Variants in MMP16 observed in about 807,000 individuals in gnomAD.
MMP16 encodes the protein matrix metalloproteinase-16.
In MMP16, 12 loss-of-function variants were observed where a neutral mutation model predicts 67.8. The ratio of observed to expected loss-of-function variants is 0.18; its 90% CI spans 0.11 to 0.29. MMP16 has a LOEUF of 0.29. Ranked by LOEUF, MMP16 falls within the 10% of genes least tolerant of loss-of-function variation. The probability of loss-of-function intolerance (pLI) is 1.00; values close to 1 mark genes in which losing one functional copy is unlikely to be tolerated. For missense variants in MMP16, 475 were observed against 765.7 expected, an observed-to-expected ratio of 0.62 and a Z score of 4.48; for synonymous variants, 249 against 255.9, an observed-to-expected ratio of 0.97 and a Z score of 0.26.
intron 1 of MMP16, among the ~76,000 whole-genome samples, chr8:88,263,937 C>T (rs1298971354): frequency 6.7e-6 from 1 of 150,260 alleles, no homozygotes; most frequent in Non-Finnish European, 1.5e-5. Flanking sequence ...TTGGCCGCAA[C>T]CTCCCTACAA....
intron 1 of MMP16, among the ~76,000 whole-genome samples, chr8:88,281,189 T>A (rs1308454960): frequency 1.3e-5 from 2 of 152,214 alleles, no homozygotes; most frequent in Non-Finnish European, 1.5e-5. Flanking sequence ...GTAAGAATAT[T>A]TGAAGGCAAA....
chr8:88,066,392 G>GA lies in MMP16; in HGVS notation c.1222+8212dup, dbSNP rs908011159. ...AGTGTGGAGTACATTCAGTTGCTGG[G>GA]AAAAAAAAACATATTACTTCCTCGA... is the stretch of plus-strand genomic sequence containing the variant. On this transcript the variant is annotated intron_variant, in intron 7 of 9. Transcript: ENST00000286614. 4.6e-4 allele frequency among the ~76,000 whole-genome samples: 69 copies of GA among 149,992 alleles called. 1 individual carries two copies. Among genetic ancestry groups the GA allele is most frequent in the Admixed American group, 3.7e-3 (55 of 14,988 alleles).
intron 4 of MMP16, among the ~76,000 whole-genome samples, chr8:88,146,300 C>T (rs1041982988): frequency 6.6e-6 from 1 of 151,886 alleles, no homozygotes; most frequent in Non-Finnish European, 1.5e-5. Flanking sequence ...ATAATAATAA[C>T]ATGCATCTGA....
Position 88,041,020 on chromosome 8 carries a change from GAAAAAAAGA to G in MMP16, c.*432_*440del, listed in dbSNP as rs952769082. The G allele has an allele frequency of 2.1e-5, 2 of 93,466 alleles. No individual in the cohort carries two copies. Among genetic ancestry groups the G allele is most frequent in the Non-Finnish European group, 5.8e-5 (2 of 34,326 alleles). The allele number at this position is 93,466 out of a possible 1,614,324, so 5.8% of individuals were successfully genotyped here. ...TTCCCTTTGTTTTAAAGCAAAAAAA[GAAAAAAAGA>G]AAAAAAGAAAAAAAGAAAAACCGTG... On this transcript the variant is annotated 3_prime_UTR_variant, in exon 10 of 10. Coordinates refer to ENST00000286614, the MANE Select transcript of MMP16 (RefSeq NM_005941.5). The surrounding 1 kb of genome is among the most constrained non-coding windows in gnomAD (Gnocchi z 6.0).
chr8:88,294,522 G>GTA (rs149744287), intron 1 of MMP16, among the ~76,000 whole-genome samples: 28,848 of 150,562 alleles, frequency 0.19, 3,227 homozygotes, highest in African/African-American at 0.3. Flanking sequence ...ACACACACAT[G>GTA]TATATGTCTC....
At chr8:88,277,333 A>G (rs1384523855) in intron 1 of MMP16, among the ~76,000 whole-genome samples, 1 of 152,134 alleles carries the variant, frequency 6.6e-6, no homozygotes, top group Non-Finnish European at 1.5e-5. Flanking sequence ...CCCTTTAATT[A>G]CAAGTATTCT....
Position 88,186,593 on chromosome 8 carries a change from A to G in MMP16, c.287T>C (p.Met96Thr). The change falls in exon 3 of 10, where the codon ATG (methionine) becomes ACG (threonine). Residue 96 changes from methionine to threonine, a missense_variant. Transcript: ENST00000286614. Reference protein sequence around the residue: ...GKVDRNTIDWMKKPRCGVPDQ... With the variant: ...GKVDRNTIDWTKKPRCGVPDQ... ...AGGTACACCGCATCGGGGCTTCTTC[A>G]TCCAGCTGCAAAAAAAAAAAAAAAA... is the stretch of plus-strand genomic sequence containing the variant. 1.4e-6 allele frequency: 2 copies of G among 1,472,788 alleles called. No individual in the cohort carries two copies. Among genetic ancestry groups the G allele is most frequent in the Non-Finnish European group, 9.0e-7 (1 of 1,106,826 alleles). The allele number at this position is 1,472,788 out of a possible 1,614,324, so 91.2% of individuals were successfully genotyped here.
At chr8:88,135,725 C>G (rs1439733565) in intron 4 of MMP16, among the ~76,000 whole-genome samples, 3 of 151,678 alleles carry the variant, frequency 2.0e-5, no homozygotes, top group African/African-American at 7.3e-5. Context: ...CAAAAAAATC[C>G]AGGATAATAC....
chr8:88,297,526 GA>G (rs1175757908), intron 1 of MMP16, among the ~76,000 whole-genome samples: 1 of 152,182 alleles, frequency 6.6e-6, no homozygotes, highest in Non-Finnish European at 1.5e-5. Context: ...GATCATTAGA[GA>G]AAAGAAATGG....
intron 3 of MMP16, among the ~76,000 whole-genome samples, chr8:88,179,007 T>G (rs1329194869): frequency 2.0e-5 from 3 of 151,632 alleles, no homozygotes; most frequent in East Asian, 1.9e-4. Flanking sequence ...ATACACACAA[T>G]GAAAATACTA....
In MMP16 at chr8:88,116,858, A is replaced by G; in HGVS notation, c.872-140T>C. The G allele has an allele frequency of 4.1e-6, 3 of 732,266 alleles. No individual in the cohort carries two copies. In the South Asian group the frequency reaches 7.4e-5, roughly 18 times the overall value. The allele number at this position is 732,266 out of a possible 1,614,324, so 45.4% of individuals were successfully genotyped here. On this transcript the variant is annotated intron_variant, in intron 5 of 9. Transcript: ENST00000286614. Reference sequence around the variant, plus strand: ...GGTCTTTAAGATCGTATATTTTCTGAAAAAAACAAAATATCTTACCCAAAA... The same window carrying G: ...GGTCTTTAAGATCGTATATTTTCTGGAAAAAACAAAATATCTTACCCAAAA...
intron 1 of MMP16, among the ~76,000 whole-genome samples, chr8:88,315,436 T>C (rs1329753328): frequency 6.6e-6 from 1 of 152,164 alleles, no homozygotes; most frequent in Non-Finnish European, 1.5e-5. Flanking sequence ...GAACATATTG[T>C]GAGATATGCA....
intron 7 of MMP16, among the ~76,000 whole-genome samples, chr8:88,064,695 AC>A (rs1298650263): frequency 2.0e-5 from 3 of 152,110 alleles, no homozygotes; most frequent in Non-Finnish European, 4.4e-5. Context: ...CCAATAATAA[AC>A]AAGTAACACT....
chr8:88,127,960 A>G (rs1807961973), intron 4 of MMP16, among the ~76,000 whole-genome samples: 1 of 151,836 alleles, frequency 6.6e-6, no homozygotes, highest in African/African-American at 2.4e-5. Flanking sequence ...GTTATACATA[A>G]GGGCTGGCTC....
At chr8:88,091,585 G>T (rs1271262171) in intron 6 of MMP16, among the ~76,000 whole-genome samples, 1 of 151,452 alleles carries the variant, frequency 6.6e-6, no homozygotes. Context: ...ACACACACAG[G>T]TTTAAGATAT....
At chr8:88,209,401 A>G (rs2129813673) in intron 1 of MMP16, among the ~76,000 whole-genome samples, 1 of 152,268 alleles carries the variant, frequency 6.6e-6, no homozygotes, top group African/African-American at 2.4e-5. Flanking sequence ...CCTTTTGCTT[A>G]CTTATTGTTA....
chr8:88,310,190 C>A (rs16880935), intron 1 of MMP16, among the ~76,000 whole-genome samples: 1 of 151,830 alleles, frequency 6.6e-6, no homozygotes, highest in African/African-American at 2.4e-5. Flanking sequence ...CAGAAAAAAA[C>A]GACGAAGTTT....
chr8:88,053,194 G>A (rs1420640397), intron 8 of MMP16, among the ~76,000 whole-genome samples: 1 of 152,204 alleles, frequency 6.6e-6, no homozygotes, highest in Admixed American at 6.5e-5. Context: ...AGGCAGTTTG[G>A]TGGAGAGGGA....
chr8:88,189,753 G>T (rs190173122), intron 2 of MMP16, among the ~76,000 whole-genome samples: 6 of 152,128 alleles, frequency 3.9e-5, no homozygotes, highest in Non-Finnish European at 7.4e-5. Flanking sequence ...TTCACTCCTT[G>T]TTCACCCTGA....
Sources: gnomAD v4.1 joint callset for allele counts (sites outside exome capture counted in the v4.1 genomes callset) on GRCh38, gnomAD v4.1.1 for gene constraint, Gnocchi (gnomAD v3.1) non-coding constraint, MANE v1.5 for transcripts, NCBI Gene and HGNC (gene_info 2026-07-23, HGNC 2026-07-21) for gene names.